Variants in CYP7B1 observed in about 807,000 individuals in gnomAD.
The protein encoded by CYP7B1 is cytochrome P450 7B1.
A neutral mutation model predicts 42.7 loss-of-function variants in CYP7B1; 29 were observed. That is an observed-to-expected ratio of 0.68 (90% CI 0.51 to 0.93). CYP7B1 has a LOEUF of 0.93. CYP7B1 is among the 40% of genes least tolerant of loss of function. The pLI, the probability that CYP7B1 is intolerant of heterozygous loss-of-function variation, is 0.00. For missense variants in CYP7B1, 655 were observed against 600.5 expected, an observed-to-expected ratio of 1.09 and a Z score of -0.95; for synonymous variants, 235 against 218.2, an observed-to-expected ratio of 1.08 and a Z score of -0.68.
At chr8:64,665,804 G>A (rs1037357449) in intron 1 of CYP7B1, among the ~76,000 whole-genome samples, 6 of 151,900 alleles carry the variant, frequency 3.9e-5, no homozygotes, top group African/African-American at 9.7e-5. Flanking sequence ...TCGAACTCCC[G>A]ACTTCAGGTG....
At chr8:64,710,467 G>A (rs987486263) in intron 1 of CYP7B1, among the ~76,000 whole-genome samples, 1 of 152,112 alleles carries the variant, frequency 6.6e-6, no homozygotes, top group Non-Finnish European at 1.5e-5. Flanking sequence ...TTCATTCATG[G>A]AGTAAATACT....
intron 1 of CYP7B1, among the ~76,000 whole-genome samples, chr8:64,698,053 C>T (rs1177555800): frequency 6.6e-6 from 1 of 152,178 alleles, no homozygotes; most frequent in Non-Finnish European, 1.5e-5. Flanking sequence ...TCAACGTATA[C>T]AAGAGTGAAA....
At chr8:64,732,418 C>T (rs1807425988) in intron 1 of CYP7B1, among the ~76,000 whole-genome samples, 8 of 152,160 alleles carry the variant, frequency 5.3e-5, no homozygotes, top group Admixed American at 5.2e-4. Flanking sequence ...GCCAATTTCT[C>T]CCATCTGAAA....
At chr8:64,774,413 C>A (rs1476929820) in intron 1 of CYP7B1, among the ~76,000 whole-genome samples, 2 of 152,098 alleles carry the variant, frequency 1.3e-5, no homozygotes, top group Non-Finnish European at 2.9e-5. Flanking sequence ...ATTGGGGTAT[C>A]AACAGTCCCT....
intron 1 of CYP7B1, among the ~76,000 whole-genome samples, chr8:64,798,134 T>C (rs954903226): frequency 4.6e-5 from 7 of 152,264 alleles, no homozygotes; most frequent in African/African-American, 1.7e-4. Flanking sequence ...AAATGCTCTA[T>C]GAATTCTAGG....
intron 1 of CYP7B1, among the ~76,000 whole-genome samples, chr8:64,773,604 G>A (rs1263377190): frequency 6.6e-6 from 1 of 152,158 alleles, no homozygotes; most frequent in African/African-American, 2.4e-5. Flanking sequence ...TACTGTCTCT[G>A]TCTTGTTGAA....
chr8:64,677,706 GTTTTTTTTTTTT>G (rs11435388), intron 1 of CYP7B1, among the ~76,000 whole-genome samples: 5 of 86,400 alleles, frequency 5.8e-5, no homozygotes, highest in African/African-American at 2.2e-4. Context: ...ACACTCCTTG[GTTTTTTTTTTTT>G]TTTTTTTTTT....
chr8:64,633,051 C>A (rs1316919128), intron 1 of CYP7B1, among the ~76,000 whole-genome samples: 5 of 152,000 alleles, frequency 3.3e-5, no homozygotes, highest in African/African-American at 9.7e-5. Context: ...TCAGTCATCA[C>A]CAGAAATCAG....
intron 1 of CYP7B1, among the ~76,000 whole-genome samples, chr8:64,724,200 C>T (rs575612603): frequency 9.9e-5 from 15 of 151,846 alleles, no homozygotes; most frequent in East Asian, 3.9e-4. Flanking sequence ...AGTGCAGTGG[C>T]GCAATCTCGA....
chr8:64,699,997 C>T (rs1806888710), intron 1 of CYP7B1, among the ~76,000 whole-genome samples: 1 of 152,100 alleles, frequency 6.6e-6, no homozygotes, highest in African/African-American at 2.4e-5. Flanking sequence ...AGAACCCAGA[C>T]AACTTGAGTC....
chr8:64,616,219 G>T lies in CYP7B1; in HGVS notation c.322C>A (p.Gln108Lys). The T allele has an allele frequency of 6.2e-7, 1 of 1,609,290 alleles. No homozygotes were observed. Among genetic ancestry groups the T allele is most frequent in the Non-Finnish European group, 8.5e-7 (1 of 1,178,192 alleles). The change falls in exon 3 of 6, where the codon CAA (glutamine) becomes AAA (lysine). Residue 108 changes from glutamine to lysine, a missense_variant. Physicochemically the swap from Gln to Lys is moderately conservative, Grantham distance 53. Coordinates refer to ENST00000310193, the MANE Select transcript of CYP7B1 (RefSeq NM_004820.5). ...QYQLVIKNHKQLSFRVFSNKL... is the reference protein window; with the variant it reads ...QYQLVIKNHKKLSFRVFSNKL... ...TTAGAAAATACTCGAAAGCTTAATT[G>T]TTTATGATTTTTTATCACTAGCTGG...
At chr8:64,792,429 A>G (rs559333951) in intron 1 of CYP7B1, among the ~76,000 whole-genome samples, 15 of 152,334 alleles carry the variant, frequency 9.8e-5, no homozygotes, top group Admixed American at 5.2e-4. Context: ...CTGCATAGAC[A>G]GCTAAGGGCA....
intron 1 of CYP7B1, among the ~76,000 whole-genome samples, chr8:64,654,248 A>C (rs899177660): frequency 1.3e-5 from 2 of 152,232 alleles, no homozygotes; most frequent in African/African-American, 4.8e-5. Context: ...TTTGCAGACA[A>C]CATGATTCTA....
At chr8:64,797,498 T>A (rs1210275856) in intron 1 of CYP7B1, among the ~76,000 whole-genome samples, 2 of 152,034 alleles carry the variant, frequency 1.3e-5, no homozygotes, top group African/African-American at 4.8e-5. Context: ...TCCAGGAACA[T>A]CTCTGAAAAC....
rs182790473 is a variant in CYP7B1 at position 64,770,165 on chromosome 8, A to G, written c.122+28301T>C. The stretch of plus-strand genomic sequence containing the variant: ...CCACCTGGCACCATGCACTACTCTA[A>G]GAACATGGAGGGATATATAAATCAT... On this transcript the variant is annotated intron_variant, in intron 1 of 5. Coordinates refer to ENST00000310193, the MANE Select transcript of CYP7B1 (RefSeq NM_004820.5). Among the ~76,000 whole-genome samples the G allele has an allele frequency of 9.8e-5, 15 of 152,330 alleles. No individual in the cohort carries two copies. In the East Asian group the frequency reaches 2.9e-3, roughly 29 times the overall value.
chr8:64,798,703 G>C lies in CYP7B1; in HGVS notation c.-116C>G. 8.5e-7 allele frequency: 1 copy of C among 1,181,526 alleles called. No individual in the cohort carries two copies. Among genetic ancestry groups the C allele is most frequent in the Non-Finnish European group, 1.1e-6 (1 of 899,472 alleles). 73.2% of individuals were successfully genotyped at this position (1,181,526 alleles called of 1,614,324 possible). ...CGGCGCCCCCTAGTCCAGGGCCGGA[G>C]AGGCTGGCCTGCCCGCAGCGCAGAC... is the stretch of plus-strand genomic sequence containing the variant. On this transcript the variant is annotated 5_prime_UTR_variant, in exon 1 of 6. Coordinates refer to ENST00000310193, the MANE Select transcript of CYP7B1 (RefSeq NM_004820.5).
chr8:64,694,006 C>G (rs553787894), intron 1 of CYP7B1, among the ~76,000 whole-genome samples: 1 of 152,246 alleles, frequency 6.6e-6, no homozygotes, highest in African/African-American at 2.4e-5. Flanking sequence ...GTCCTCAATA[C>G]GCGTTGAGGC....
chr8:64,670,209 GA>G (rs1806344400), intron 1 of CYP7B1, among the ~76,000 whole-genome samples: 1 of 152,144 alleles, frequency 6.6e-6, no homozygotes. Flanking sequence ...GCCCTTACCT[GA>G]AAGTCAGATA....
intron 1 of CYP7B1, among the ~76,000 whole-genome samples, chr8:64,733,842 T>A (rs148545483): frequency 6.6e-6 from 1 of 152,010 alleles, no homozygotes; most frequent in African/African-American, 2.4e-5. Context: ...TTGTGGTACA[T>A]GCCTACAGTC....
Sources: allele counts gnomAD v4.1 joint callset (sites outside exome capture counted in the v4.1 genomes callset), GRCh38; gene constraint gnomAD v4.1.1; transcripts MANE v1.5; gene names NCBI Gene and HGNC (gene_info 2026-07-23, HGNC 2026-07-21).